The following RPS6KA5 variants were observed in gnomAD, a reference collection of about 807,000 sequenced individuals.
RPS6KA5 encodes ribosomal protein S6 kinase A5.
RPS6KA5 carries 27 observed loss-of-function variants against 85.5 expected under a neutral mutation model. The observed-to-expected ratio is 0.32, with a 90% confidence interval of 0.23 to 0.44. The LOEUF (loss-of-function observed/expected upper bound fraction) is 0.44, where lower values mean the gene tolerates loss of function less well. RPS6KA5 is among the 20% of genes least tolerant of loss of function. The probability of loss-of-function intolerance (pLI) is 1.00; values close to 1 mark genes in which losing one functional copy is unlikely to be tolerated. For missense variants in RPS6KA5, 811 were observed against 980.9 expected (o/e 0.83, Z 2.31); for synonymous variants, 334 against 348.2 (o/e 0.96, Z 0.46).
chr14:90,900,550 T>A (rs2035106030), intron 10 of RPS6KA5, 61 bp downstream of exon 10: 1 of 1,510,312 alleles, frequency 6.6e-7, no homozygotes, highest in Non-Finnish European at 9.0e-7. Flanking sequence ...TTAATTAGAG[T>A]TGGTATTTAA....
intron 14 of RPS6KA5, among the ~76,000 whole-genome samples, chr14:90,879,784 T>G (rs1303194816): frequency 9.6e-5 from 6 of 62,622 alleles, no homozygotes; most frequent in African/African-American, 4.7e-4. Flanking sequence ...ACTCCTAATT[T>G]TTTTTTTTTT....
intron 14 of RPS6KA5, among the ~76,000 whole-genome samples, chr14:90,884,876 T>C (rs1292550769): frequency 6.6e-6 from 1 of 152,214 alleles, no homozygotes; most frequent in African/African-American, 2.4e-5. Context: ...ATATGTTCAG[T>C]AGATACTGCC....
At chr14:90,950,482 A>C (rs1231474970) in intron 3 of RPS6KA5, among the ~76,000 whole-genome samples, 1 of 152,180 alleles carries the variant, frequency 6.6e-6, no homozygotes, top group African/African-American at 2.4e-5. Flanking sequence ...ATTAGGGGGA[A>C]AGCATTCAGT....
intron 5 of RPS6KA5, among the ~76,000 whole-genome samples, chr14:90,935,638 T>C (rs2140331671): frequency 6.6e-6 from 1 of 152,274 alleles, no homozygotes; most frequent in Admixed American, 6.5e-5. Context: ...AATAACATTA[T>C]CTGAATTGAG....
chr14:91,013,266 C>A (rs1305885406), intron 1 of RPS6KA5, among the ~76,000 whole-genome samples: 1 of 152,166 alleles, frequency 6.6e-6, no homozygotes, highest in Non-Finnish European at 1.5e-5. Context: ...TTGTGCAAAG[C>A]ACTGACAAGA....
chr14:91,042,765 C>T (rs2042654573), intron 1 of RPS6KA5, among the ~76,000 whole-genome samples: 1 of 71,218 alleles, frequency 1.4e-5, no homozygotes, highest in Non-Finnish European at 2.9e-5. Context: ...CACAACATCC[C>T]ATCCCCCTTC....
intron 1 of RPS6KA5, among the ~76,000 whole-genome samples, chr14:91,013,595 C>T (rs2041353890): frequency 6.6e-6 from 1 of 152,216 alleles, no homozygotes; most frequent in East Asian, 1.9e-4. Flanking sequence ...AAAAAAGGCA[C>T]TGCAAGACAC....
At chr14:90,914,720 A>G (rs2036022133) in intron 7 of RPS6KA5, among the ~76,000 whole-genome samples, 1 of 152,208 alleles carries the variant, frequency 6.6e-6, no homozygotes, top group South Asian at 2.1e-4. Context: ...TGTAGAGTGA[A>G]GCAGTGCAAA....
chr14:90,942,687 C>T (rs963600822), intron 5 of RPS6KA5, among the ~76,000 whole-genome samples: 2 of 152,140 alleles, frequency 1.3e-5, no homozygotes, highest in African/African-American at 4.8e-5. Context: ...ATAGCATGTC[C>T]TACTTTGTTA....
In RPS6KA5 at chr14:90,912,091, C is replaced by T. The variant is rs535193198; in HGVS notation, c.807-5792G>A. The stretch of plus-strand genomic sequence containing the variant: ...CAGGGAACCAAACCTCCTTTGTCCT[C>T]CCCCAGCATTCTTCTTACCTAAAAG... On this transcript the variant is annotated intron_variant, in intron 7 of 16. Transcript: ENST00000614987. Among the ~76,000 whole-genome samples, 12 of 152,292 alleles carry T rather than the reference C, an allele frequency of 7.9e-5. No homozygotes were observed. In the South Asian group the frequency reaches 2.1e-3, roughly 26 times the overall value.
intron 1 of RPS6KA5, among the ~76,000 whole-genome samples, chr14:91,014,331 G>A (rs1217094013): frequency 6.6e-6 from 1 of 151,812 alleles, no homozygotes; most frequent in Non-Finnish European, 1.5e-5. Context: ...TGAAACCCTG[G>A]TCTCTATTTA....
chr14:90,937,535 C>T (rs550901371), intron 5 of RPS6KA5, among the ~76,000 whole-genome samples: 1 of 152,200 alleles, frequency 6.6e-6, no homozygotes, highest in East Asian at 1.9e-4. Context: ...GAAGAGAAGG[C>T]AGGCAGAGTG....
chr14:91,045,553 C>T (rs1164175143), intron 1 of RPS6KA5, among the ~76,000 whole-genome samples: 7 of 152,178 alleles, frequency 4.6e-5, no homozygotes, highest in Admixed American at 1.3e-4. Context: ...CATGAGCCAC[C>T]GCGCCTGGCC....
Position 90,894,536 on chromosome 14 carries a change from A to G in RPS6KA5, c.1521T>C (p.Phe507=). 6.2e-7 allele frequency: 1 copy of G among 1,614,160 alleles called. No individual in the cohort carries two copies. Among genetic ancestry groups the G allele is most frequent in the South Asian group, 1.1e-5 (1 of 91,084 alleles). Reference sequence around the variant, plus strand: ...AGTGCTTCTTTTTCTTAATGCGCTCAAACAGTTCTCCTCCATTCAGAAGTT... The same window carrying G: ...AGTGCTTCTTTTTCTTAATGCGCTCGAACAGTTCTCCTCCATTCAGAAGTT... ...VMELLNGGEL[F]ERIKKKKHFS... Residue 507 remains phenylalanine, a synonymous_variant, in exon 13 of 17, where the codon TTT becomes TTC. Transcript: ENST00000614987.
At chr14:91,051,203 C>T (rs989479369) in intron 1 of RPS6KA5, among the ~76,000 whole-genome samples, 4 of 151,850 alleles carry the variant, frequency 2.6e-5, no homozygotes, top group African/African-American at 7.3e-5. Flanking sequence ...CACGCCATTG[C>T]ACTCCAGCCT....
Position 90,923,108 on chromosome 14 carries a change from C to T in RPS6KA5, c.702+5G>A, listed in dbSNP as rs184018884. The stretch of plus-strand genomic sequence containing the variant: ...ACATAAAGAAGCATCAAAAATAGAA[C>T]ATACCTTGTCATGTCCTGAATCTCC... On this transcript the variant is annotated splice_donor_5th_base_variant and intron_variant, in intron 6 of 16. Transcript: ENST00000614987. 212 of 1,598,006 alleles carry T rather than the reference C, an allele frequency of 1.3e-4. No homozygotes were observed. In the African/African-American group the frequency reaches 2.4e-3, roughly 18 times the overall value.
intron 7 of RPS6KA5, among the ~76,000 whole-genome samples, chr14:90,909,264 T>C (rs1241165741): frequency 1.3e-5 from 2 of 152,190 alleles, no homozygotes; most frequent in Non-Finnish European, 2.9e-5. Flanking sequence ...TCACTTCTCC[T>C]CCTCCAATGT....
intron 3 of RPS6KA5, among the ~76,000 whole-genome samples, chr14:90,976,548 C>A (rs2039578104): frequency 1.3e-5 from 2 of 152,252 alleles, no homozygotes; most frequent in Middle Eastern, 6.8e-3. Flanking sequence ...AAGGGTCCTG[C>A]ACTAAAAATG....
At chr14:91,015,815 C>A (rs1233908485) in intron 1 of RPS6KA5, among the ~76,000 whole-genome samples, 3 of 152,156 alleles carry the variant, frequency 2.0e-5, no homozygotes, top group Non-Finnish European at 4.4e-5. Flanking sequence ...CAAGAATAAT[C>A]CTACTTTTTA....
Sources: gnomAD v4.1 joint callset for allele counts (sites outside exome capture counted in the v4.1 genomes callset) on GRCh38, gnomAD v4.1.1 for gene constraint, MANE v1.5 for transcripts, NCBI Gene and HGNC (gene_info 2026-07-23, HGNC 2026-07-21) for gene names.